The following LMF1 variants were observed in gnomAD, a reference collection of about 807,000 sequenced individuals.
LMF1 encodes the protein lipase maturation factor 1.
Under a neutral mutation model 60.6 loss-of-function variants are expected in LMF1, and 68 were observed. The observed-to-expected ratio is 1.12, with a 90% CI of 0.92 to 1.37. LMF1 has a LOEUF of 1.37. Ranked by LOEUF, LMF1 falls within the 40% of genes most tolerant of loss-of-function variation. LMF1 has a pLI of 0.00. For synonymous variants in LMF1, 418 were observed against 324.7 expected (o/e 1.29, Z -3.09); for missense variants, 948 against 767.2 (o/e 1.24, Z -2.78).
At position 943,492 on chromosome 16, in the gene LMF1, G is replaced by A. The variant is rs369500111; in HGVS notation, c.504-9238C>T. 1.0e-3 allele frequency among the ~76,000 whole-genome samples: 153 copies of A among 152,028 alleles called. 1 individual carries two copies. The highest frequency in any genetic ancestry group is 2.6e-3 in the Admixed American group (40 of 15,262). On this transcript the variant is annotated intron_variant, in intron 2 of 10. Coordinates refer to ENST00000262301, the MANE Select transcript of LMF1 (RefSeq NM_022773.4). ...TGTAATCCCAGCACTTTGGGAGGCC[G>A]AGGCGGGCGGATCACCTGAGGTCAG...
At chr16:894,168 C>T (rs12927626) in intron 4 of LMF1, among the ~76,000 whole-genome samples, 37 of 146,286 alleles carry the variant, frequency 2.5e-4, no homozygotes, top group African/African-American at 9.0e-4. Context: ...TCCGCCCACC[C>T]GTCCCCCTGT....
At chr16:939,016 C>T (rs149705765) in intron 2 of LMF1, among the ~76,000 whole-genome samples, 1,833 of 152,220 alleles carry the variant, frequency 0.012, 42 homozygotes, top group African/African-American at 0.042. Flanking sequence ...ACACCTTCCA[C>T]GTGCATTTAC....
intron 6 of LMF1, chr16:872,325 G>A (rs1463593059): frequency 1.3e-5 from 2 of 152,178 alleles, no homozygotes; most frequent in Non-Finnish European, 2.9e-5. Context: ...TTGAGGGCAG[G>A]GACATCGACG....
chr16:869,851 G>C lies in LMF1; in HGVS notation c.1416+32C>G, dbSNP rs150237042. 9.7e-4 allele frequency: 1,547 copies of C among 1,598,644 alleles called. 8 individuals carry two copies. The highest frequency in any genetic ancestry group is 7.1e-3 in the Middle Eastern group (43 of 6,040). On this transcript the variant is annotated intron_variant, in intron 9 of 10. Transcript: ENST00000262301. ...GGCAGAAGAGGGTGGGGTACAGGCAGGTCCATGCGCCCGCCAGGGACCGTC... is the reference window on the plus strand; with the variant it reads ...GGCAGAAGAGGGTGGGGTACAGGCACGTCCATGCGCCCGCCAGGGACCGTC...
intron 3 of LMF1, among the ~76,000 whole-genome samples, chr16:914,478 G>C (rs2071213517): frequency 1.5e-5 from 2 of 129,120 alleles, no homozygotes; most frequent in South Asian, 4.7e-4. Context: ...AGCTCTCCAA[G>C]TGCAAAACCA....
intron 1 of LMF1, chr16:980,746 G>GT (rs2073329585): frequency 1.5e-5 from 2 of 130,358 alleles, no homozygotes; most frequent in Admixed American, 1.5e-4. Flanking sequence ...CGTTCGCCTC[G>GT]GGGGGGGCAA....
chr16:946,633 G>C (rs531143767), intron 2 of LMF1, among the ~76,000 whole-genome samples: 6 of 152,332 alleles, frequency 3.9e-5, no homozygotes, highest in African/African-American at 1.4e-4. Context: ...CCTCTCGTGG[G>C]AGTTCCCGTC....
chr16:920,480 G>C lies in LMF1; in HGVS notation c.515-9401C>G, dbSNP rs556767686. ...CCAGAGCACAAATGCCCCTGGCTGA[G>C]CTCAGCAGCAGAGTGAAGAACGAAA... On this transcript the variant is annotated intron_variant, in intron 3 of 10. Coordinates refer to ENST00000262301, the MANE Select transcript of LMF1 (RefSeq NM_022773.4). 1.3e-4 allele frequency among the ~76,000 whole-genome samples: 20 copies of C among 152,340 alleles called. 1 individual carries two copies. In the South Asian group the frequency reaches 1.9e-3, roughly 14 times the overall value.
intron 2 of LMF1, among the ~76,000 whole-genome samples, chr16:943,287 A>C (rs8062750): frequency 0.14 from 21,382 of 150,084 alleles, 1,565 homozygotes; most frequent in South Asian, 0.2. Context: ...AGGAGAATGG[A>C]GTGAACCCAG....
At chr16:908,885 G>A (rs1458015860) in intron 4 of LMF1, among the ~76,000 whole-genome samples, 1 of 152,240 alleles carries the variant, frequency 6.6e-6, no homozygotes, top group East Asian at 1.9e-4. Context: ...GGCTGGGGCA[G>A]GAACACCTGG....
At chr16:922,761 C>T (rs1352269167) in intron 3 of LMF1, among the ~76,000 whole-genome samples, 1 of 120,662 alleles carries the variant, frequency 8.3e-6, no homozygotes. Context: ...CGTGTTGTTG[C>T]GAAGGCCCTG....
chr16:892,645 C>T (rs1387492327), intron 5 of LMF1, among the ~76,000 whole-genome samples: 4 of 152,252 alleles, frequency 2.6e-5, no homozygotes, highest in Admixed American at 2.6e-4. Flanking sequence ...GGGCACGCAG[C>T]CAGGAAGCCC....
At chr16:952,192 C>A (rs1320965115) in intron 2 of LMF1, among the ~76,000 whole-genome samples, 1 of 152,144 alleles carries the variant, frequency 6.6e-6, no homozygotes, top group East Asian at 1.9e-4. Flanking sequence ...TCAAGTGTAG[C>A]TGAGACCTGA....
intron 10 of LMF1, among the ~76,000 whole-genome samples, chr16:857,120 C>T (rs963626676): frequency 5.9e-5 from 9 of 152,368 alleles, no homozygotes; most frequent in East Asian, 3.9e-4. Context: ...CGTCGCTGAC[C>T]GGCGTCTGCG....
rs1359907925 is a variant in LMF1 at position 892,990 on chromosome 16, C to T, written c.729+17G>A. ...TGAGACCGGGTGCCCTGCCCTCACG[C>T]TGCACGGCACGCTCACCTCATAGTG... On this transcript the variant is annotated intron_variant, in intron 5 of 10. Coordinates refer to ENST00000262301, the MANE Select transcript of LMF1 (RefSeq NM_022773.4). The T allele has an allele frequency of 5.8e-6, 9 of 1,540,214 alleles. No homozygotes were observed. Among genetic ancestry groups the T allele is most frequent in the Non-Finnish European group, 7.0e-6 (8 of 1,138,710 alleles).
At chr16:954,718 G>A (rs1486058863) in intron 1 of LMF1, 52 bp from the exon 2 acceptor site, 1 of 1,507,490 alleles carries the variant, frequency 6.6e-7, no homozygotes, top group South Asian at 1.3e-5. Context: ...ACCACATGTG[G>A]ACACCATGGG....
intron 4 of LMF1, among the ~76,000 whole-genome samples, chr16:909,797 A>G (rs1166460637): frequency 1.3e-5 from 2 of 152,210 alleles, no homozygotes; most frequent in Non-Finnish European, 2.9e-5. Context: ...AGCTGAACAC[A>G]GGCACGGCAG....
Position 935,571 on chromosome 16 carries a change from T to TAAAAAAAAA in LMF1, c.504-1326_504-1318dup, listed in dbSNP as rs10674839. Among the ~76,000 whole-genome samples the TAAAAAAAAA allele has an allele frequency of 7.0e-5, 10 of 142,412 alleles. 1 individual carries two copies. Among genetic ancestry groups the TAAAAAAAAA allele is most frequent in the African/African-American group, 2.4e-4 (9 of 37,882 alleles). 93.4% of individuals were successfully genotyped at this position (142,412 alleles called of 152,430 possible). On this transcript the variant is annotated intron_variant, in intron 2 of 10. Coordinates refer to ENST00000262301, the MANE Select transcript of LMF1 (RefSeq NM_022773.4). Reference sequence around the variant, plus strand: ...CTAACACTAGTGACAGCTGATGAGCTAAAAAAAAAAAAACTCATAATGTTT... The same window carrying TAAAAAAAAA: ...CTAACACTAGTGACAGCTGATGAGCTAAAAAAAAAAAAAAAAAAAAAACTCATAATGTTT...
At chr16:944,986 G>C (rs942422585) in intron 2 of LMF1, among the ~76,000 whole-genome samples, 1 of 152,042 alleles carries the variant, frequency 6.6e-6, no homozygotes, top group Non-Finnish European at 1.5e-5. Context: ...GGCCAAGGCG[G>C]GTGGATCACT....
Sources: gnomAD v4.1 joint callset for allele counts (sites outside exome capture counted in the v4.1 genomes callset) on GRCh38, gnomAD v4.1.1 for gene constraint, MANE v1.5 for transcripts, NCBI Gene and HGNC (gene_info 2026-07-23, HGNC 2026-07-21) for gene names.